The following PCDHGB7 variants were observed in gnomAD, a reference collection of about 807,000 sequenced individuals.
PCDHGB7 encodes protocadherin gamma-B7.
PCDHGB7 carries 37 observed loss-of-function variants against 61.4 expected under a neutral mutation model. That is an observed-to-expected ratio of 0.60 (90% confidence interval 0.46 to 0.79). The LOEUF (loss-of-function observed/expected upper bound fraction) is 0.79, where lower values mean the gene tolerates loss of function less well. Among genes scored for constraint, PCDHGB7 ranks in the 30% least tolerant of loss-of-function variants. The pLI, the probability that PCDHGB7 is intolerant of heterozygous loss-of-function variation, is 0.00. For synonymous variants in PCDHGB7, 464 were observed against 503.5 expected (o/e 0.92, Z 1.05); for missense variants, 1,166 against 1,202.5 (o/e 0.97, Z 0.45).
chr5:141,433,595 G>C (rs2097629585), intron 1 of PCDHGB7, among the ~76,000 whole-genome samples: 1 of 152,070 alleles, frequency 6.6e-6, no homozygotes, highest in South Asian at 2.1e-4. Context: ...CAGTACTTTG[G>C]GAGGCCGAGG....
chr5:141,460,608 T>A (rs2098993153), intron 1 of PCDHGB7, among the ~76,000 whole-genome samples: 1 of 152,186 alleles, frequency 6.6e-6, no homozygotes, highest in Non-Finnish European at 1.5e-5. Context: ...CTGTGTTAGA[T>A]GGATAGATAG....
chr5:141,486,706 C>T lies in PCDHGB7; in HGVS notation c.2416-8101C>T. 1.2e-6 allele frequency: 2 copies of T among 1,614,154 alleles called. No homozygotes were observed. Among genetic ancestry groups the T allele is most frequent in the Admixed American group, 1.7e-5 (1 of 60,020 alleles). On this transcript the variant is annotated intron_variant, in intron 1 of 3. Transcript: ENST00000398594. This position sits in a 1 kb window ranked among gnomAD's most constrained non-coding sequence, Gnocchi z 5.0. ...CAGCTTCCTCTTTCATCTCTCTGAACCCCCAGACAGGAGCTGTTCATGCTA... is the reference window on the plus strand; with the variant it reads ...CAGCTTCCTCTTTCATCTCTCTGAATCCCCAGACAGGAGCTGTTCATGCTA...
intron 1 of PCDHGB7, among the ~76,000 whole-genome samples, chr5:141,463,505 G>A (rs1213601894): frequency 7.3e-6 from 1 of 137,472 alleles, no homozygotes; most frequent in Non-Finnish European, 1.5e-5. Flanking sequence ...CTGGAGTGAC[G>A]TGGCGTGATC....
intron 1 of PCDHGB7, among the ~76,000 whole-genome samples, chr5:141,454,195 T>A (rs1295815862): frequency 1.3e-5 from 2 of 152,136 alleles, no homozygotes; most frequent in Admixed American, 1.3e-4. Flanking sequence ...TTAGTGAAGG[T>A]GAATTTATTG....
rs2099727742 is a variant in PCDHGB7 at position 141,491,740 on chromosome 5, G to C, written c.2416-3067G>C. On this transcript the variant is annotated intron_variant, in intron 1 of 3. Coordinates refer to ENST00000398594, the MANE Select transcript of PCDHGB7 (RefSeq NM_018927.4). The surrounding 1 kb of genome is among the most constrained non-coding windows in gnomAD (Gnocchi z 6.9). Reference sequence around the variant, plus strand: ...GCCGCCCCGGGCGACCCCTGGGGGCGGCACTGGAGAAGCCGCCCGTCCTCA... The same window carrying C: ...GCCGCCCCGGGCGACCCCTGGGGGCCGCACTGGAGAAGCCGCCCGTCCTCA... The C allele has an allele frequency of 6.3e-7, 1 of 1,597,622 alleles. No homozygotes were observed. The highest frequency in any genetic ancestry group is 8.5e-7 in the Non-Finnish European group (1 of 1,173,228).
Position 141,487,691 on chromosome 5 carries a change from A to T in PCDHGB7, c.2416-7116A>T. On this transcript the variant is annotated intron_variant, in intron 1 of 3. Transcript: ENST00000398594. The surrounding 1 kb of genome is among the most constrained non-coding windows in gnomAD (Gnocchi z 5.0). ...CATATGGCTAGGCCATGTCCTAGAG[A>T]GTACTGGCCTCTCAGTAAGTGCCCA... 6.2e-7 allele frequency: 1 copy of T among 1,604,122 alleles called. No individual in the cohort carries two copies. The highest frequency in any genetic ancestry group is 8.5e-7 in the Non-Finnish European group (1 of 1,174,384).
At chr5:141,424,628 A>C (rs962512805) in intron 1 of PCDHGB7, 3 of 152,348 alleles carry the variant, frequency 2.0e-5, no homozygotes, top group African/African-American at 7.2e-5. Flanking sequence ...GTTTGTGAAT[A>C]TATAAATAGA....
At position 141,431,141 on chromosome 5, in the gene PCDHGB7, G is replaced by C. The variant is rs1262504427; in HGVS notation, c.2415+10867G>C. 1 of 1,614,094 alleles carries C rather than the reference G, an allele frequency of 6.2e-7. No individual in the cohort carries two copies. The highest frequency in any genetic ancestry group is 2.2e-5 in the East Asian group (1 of 44,896). On this transcript the variant is annotated intron_variant, in intron 1 of 3. Coordinates refer to ENST00000398594, the MANE Select transcript of PCDHGB7 (RefSeq NM_018927.4). The surrounding 1 kb of genome is among the most constrained non-coding windows in gnomAD (Gnocchi z 4.8). The stretch of plus-strand genomic sequence containing the variant: ...AGAAGTAGAAGTAAGGGACATTAAC[G>C]ACAATGCGCCTTACTTTCGTGAAAG...
At chr5:141,500,667 TC>T (rs1032555959) in intron 2 of PCDHGB7, among the ~76,000 whole-genome samples, 26 of 152,194 alleles carry the variant, frequency 1.7e-4, no homozygotes, top group African/African-American at 6.0e-4. Flanking sequence ...GGCCATACTG[TC>T]CAACAGAATT....
chr5:141,450,931 T>G (rs571428678), intron 1 of PCDHGB7, among the ~76,000 whole-genome samples: 2 of 151,650 alleles, frequency 1.3e-5, no homozygotes, highest in African/African-American at 4.8e-5. Flanking sequence ...TTCAAGCAAT[T>G]CTCCTACCTC....
In PCDHGB7 at chr5:141,491,492, T is replaced by G. The variant is rs763487622; in HGVS notation, c.2416-3315T>G. On this transcript the variant is annotated intron_variant, in intron 1 of 3. Coordinates refer to ENST00000398594, the MANE Select transcript of PCDHGB7 (RefSeq NM_018927.4). This position sits in a 1 kb window ranked among gnomAD's most constrained non-coding sequence, Gnocchi z 6.9. ...AAGCAGTCCAGCCCCAACCTGCAGG[T>G]GAGCTCGGACGGCACGCTCAAGTAC... 3.1e-6 allele frequency: 5 copies of G among 1,614,024 alleles called. No homozygotes were observed. The highest frequency in any genetic ancestry group is 3.4e-6 in the Non-Finnish European group (4 of 1,180,006).
chr5:141,422,539 C>T (rs1335732614), intron 1 of PCDHGB7: 6 of 1,613,876 alleles, frequency 3.7e-6, no homozygotes, highest in Middle Eastern at 1.6e-4. Context: ...TGCAGAAACT[C>T]ATGTCTGGCT....
At chr5:141,423,139 G>T (rs2096713828) in intron 1 of PCDHGB7, 4 of 1,613,498 alleles carry the variant, frequency 2.5e-6, no homozygotes, top group Non-Finnish European at 3.4e-6. Flanking sequence ...GGACAGAGAC[G>T]CGCTCAAGCA....
intron 1 of PCDHGB7, among the ~76,000 whole-genome samples, chr5:141,437,741 CT>C (rs35124340): frequency 3.0e-3 from 425 of 141,590 alleles, no homozygotes; most frequent in African/African-American, 3.7e-3. Context: ...TTGAGTTCAC[CT>C]TTTTTTTTTT....
At chr5:141,433,103 C>T (rs762225174) in intron 1 of PCDHGB7, 3 of 1,614,126 alleles carry the variant, frequency 1.9e-6, no homozygotes, top group Non-Finnish European at 2.5e-6. Flanking sequence ...GCTCGTCAGC[C>T]AGGAGAGCTT....
At chr5:141,507,286 TC>T in intron 3 of PCDHGB7, 1 of 149,886 alleles carries the variant, frequency 6.7e-6, no homozygotes, top group East Asian at 1.9e-4. Context: ...TAAGTCAGTC[TC>T]AAATGTTGCA....
chr5:141,504,705 T>C (rs960774850), intron 2 of PCDHGB7, among the ~76,000 whole-genome samples: 19 of 151,608 alleles, frequency 1.3e-4, no homozygotes, highest in Middle Eastern at 3.4e-3. Flanking sequence ...GGTTCTTCTA[T>C]GGCCGTGGAT....
At chr5:141,452,538 G>T (rs1330051133) in intron 1 of PCDHGB7, among the ~76,000 whole-genome samples, 1 of 152,148 alleles carries the variant, frequency 6.6e-6, no homozygotes, top group Non-Finnish European at 1.5e-5. Flanking sequence ...AGTTCATATT[G>T]ATACCTCCAG....
rs746913952 is a variant in PCDHGB7, at chr5:141,432,898, G to T, written c.2415+12624G>T. 2.5e-6 allele frequency: 4 copies of T among 1,614,174 alleles called. No individual in the cohort carries two copies. Among genetic ancestry groups the T allele is most frequent in the Admixed American group, 3.3e-5 (2 of 60,034 alleles). ...TGGCCTTCGTCATCTTGCTGCTGGC[G>T]CTCAGGCTGCGGCGCTGGCACAAGT... On this transcript the variant is annotated intron_variant, in intron 1 of 3. Coordinates refer to ENST00000398594, the MANE Select transcript of PCDHGB7 (RefSeq NM_018927.4). The surrounding 1 kb of genome is among the most constrained non-coding windows in gnomAD (Gnocchi z 6.0).
Sources: gnomAD v4.1 joint callset for allele counts (sites outside exome capture counted in the v4.1 genomes callset) on GRCh38, gnomAD v4.1.1 for gene constraint, Gnocchi (gnomAD v3.1) non-coding constraint, MANE v1.5 for transcripts, NCBI Gene and HGNC (gene_info 2026-07-23, HGNC 2026-07-21) for gene names.